MYCBP2: variants seen among roughly 807,000 people sequenced by gnomAD.
MYCBP2 encodes the protein E3 ubiquitin-protein ligase MYCBP2.
A neutral mutation model predicts 525.3 loss-of-function variants in MYCBP2; 120 were observed. That is an observed-to-expected ratio of 0.23 (90% CI 0.20 to 0.27). The LOEUF is 0.27. Among genes scored for constraint, MYCBP2 ranks in the 10% least tolerant of loss-of-function variants. MYCBP2 has a pLI of 1.00. For missense variants in MYCBP2, 4,149 were observed against 5,657.1 expected (o/e 0.73, Z 8.55); for synonymous variants, 1,894 against 1,955.8 (o/e 0.97, Z 0.83).
chr13:77,133,388 A>T (rs970245076), intron 52 of MYCBP2, among the ~76,000 whole-genome samples: 2 of 152,240 alleles, frequency 1.3e-5, no homozygotes, highest in African/African-American at 4.8e-5. Flanking sequence ...AAAATTAAGC[A>T]TCCACAAATG....
At chr13:77,277,001 A>G (rs1231820893) in intron 4 of MYCBP2, among the ~76,000 whole-genome samples, 1 of 152,030 alleles carries the variant, frequency 6.6e-6, no homozygotes, top group Non-Finnish European at 1.5e-5. Flanking sequence ...AGCACATATT[A>G]TATGCCAAAG....
Position 77,217,857 on chromosome 13 carries a change from T to A in MYCBP2, c.3040A>T (p.Thr1014Ser), listed in dbSNP as rs925618652. ...TTCCTTACAGAAAAACTTCCAAATG[T>A]GAAGACCTGTCCATCCATTAAAAGT... The part of the protein sequence containing the change: ...AVLLMDGQVF[T>S]FGSFSKGQLG... The change falls in exon 21 of 83, where the codon ACA becomes TCA. Residue 1014 changes from threonine to serine, a missense_variant. By Grantham distance (58) the Thr-to-Ser change is moderately conservative (BLOSUM62 1). Coordinates refer to ENST00000544440, the MANE Select transcript of MYCBP2 (RefSeq NM_015057.5). 6.2e-7 allele frequency: 1 copy of A among 1,605,476 alleles called. No individual in the cohort carries two copies. Among genetic ancestry groups the A allele is most frequent in the Admixed American group, 1.7e-5 (1 of 58,722 alleles).
intron 46 of MYCBP2, among the ~76,000 whole-genome samples, chr13:77,154,586 T>C (rs9600822): frequency 0.07 from 10,681 of 151,824 alleles, 583 homozygotes; most frequent in African/African-American, 0.15. Context: ...TAAAGAAATA[T>C]CAGAAGCGTA....
chr13:77,246,684 C>T (rs12017346), intron 15 of MYCBP2, among the ~76,000 whole-genome samples: 1 of 148,206 alleles, frequency 6.7e-6, no homozygotes, highest in Non-Finnish European at 1.5e-5. Flanking sequence ...AAAAAAAAAA[C>T]CCCTACAGAC....
chr13:77,318,556 C>G (rs527495723), intron 1 of MYCBP2, among the ~76,000 whole-genome samples: 1 of 152,236 alleles, frequency 6.6e-6, no homozygotes, highest in African/African-American at 2.4e-5. Flanking sequence ...GAGTTCGAGA[C>G]CAGCCTGACC....
intron 1 of MYCBP2, among the ~76,000 whole-genome samples, chr13:77,301,181 G>C (rs138653964): frequency 1.3e-5 from 2 of 152,032 alleles, no homozygotes; most frequent in Non-Finnish European, 2.9e-5. Context: ...TTGGGAAGCT[G>C]AGGCGGGCAG....
At chr13:77,322,308 G>T (rs773315317) in intron 1 of MYCBP2, among the ~76,000 whole-genome samples, 11 of 152,104 alleles carry the variant, frequency 7.2e-5, no homozygotes, top group Admixed American at 3.9e-4. Context: ...TCCCCATTTT[G>T]GTCACAATCC....
At chr13:77,054,728 G>A (rs191218551) in intron 80 of MYCBP2, among the ~76,000 whole-genome samples, 1 of 151,832 alleles carries the variant, frequency 6.6e-6, no homozygotes, top group Admixed American at 6.6e-5. Flanking sequence ...AGTCCCCCAA[G>A]TAGCTGGGAC....
At chr13:77,115,436 T>C (rs145353505) in intron 55 of MYCBP2, among the ~76,000 whole-genome samples, 1 of 152,062 alleles carries the variant, frequency 6.6e-6, no homozygotes, top group African/African-American at 2.4e-5. Flanking sequence ...CATGTCTCTG[T>C]GTGCACACAC....
At chr13:77,162,841 G>A (rs1378282227) in intron 43 of MYCBP2, among the ~76,000 whole-genome samples, 1 of 152,098 alleles carries the variant, frequency 6.6e-6, no homozygotes, top group Admixed American at 6.5e-5. Flanking sequence ...ATTTTTAGTA[G>A]AGACGGGGTT....
At chr13:77,146,059 A>G (rs2055492638) in intron 48 of MYCBP2, 103 bp downstream of exon 48, 3 of 706,774 alleles carry the variant, frequency 4.2e-6, no homozygotes, top group Non-Finnish European at 6.9e-6. Context: ...AAAATGCTAT[A>G]AAGTATTTAT....
At chr13:77,314,228 C>T (rs1203657982) in intron 1 of MYCBP2, among the ~76,000 whole-genome samples, 3 of 152,174 alleles carry the variant, frequency 2.0e-5, no homozygotes, top group African/African-American at 4.8e-5. Flanking sequence ...TTCAAAACAT[C>T]ATGCTGTACA....
At chr13:77,050,297 T>C (rs1451970829) in intron 82 of MYCBP2, among the ~76,000 whole-genome samples, 1 of 152,118 alleles carries the variant, frequency 6.6e-6, no homozygotes, top group Non-Finnish European at 1.5e-5. Flanking sequence ...GACAACACGG[T>C]ATATTGTGTT....
At chr13:77,323,385 G>A (rs1462993861) in intron 1 of MYCBP2, among the ~76,000 whole-genome samples, 1 of 152,166 alleles carries the variant, frequency 6.6e-6, no homozygotes, top group Non-Finnish European at 1.5e-5. Context: ...CACTCATCAT[G>A]TTTTTGTTTC....
At chr13:77,240,511 T>C (rs574257190) in intron 17 of MYCBP2, among the ~76,000 whole-genome samples, 14 of 152,014 alleles carry the variant, frequency 9.2e-5, no homozygotes, top group Non-Finnish European at 2.1e-4. Flanking sequence ...AAGAGGCTGA[T>C]GTAGGAGAAT....
At chr13:77,252,086 G>A (rs532066715) in intron 14 of MYCBP2, among the ~76,000 whole-genome samples, 1 of 152,174 alleles carries the variant, frequency 6.6e-6, no homozygotes, top group African/African-American at 2.4e-5. Context: ...CCTCCTCAGT[G>A]CCTGTTTATA....
chr13:77,225,683 T>A (rs1029577748), intron 18 of MYCBP2, 129 bp from the exon 19 acceptor site: 29 of 1,150,478 alleles, frequency 2.5e-5, no homozygotes, highest in Non-Finnish European at 3.5e-5. Flanking sequence ...AATCTGTAGC[T>A]GTTAGAAGTG....
intron 1 of MYCBP2, among the ~76,000 whole-genome samples, chr13:77,317,651 G>A (rs953684002): frequency 5.3e-5 from 8 of 152,072 alleles, no homozygotes; most frequent in Non-Finnish European, 1.2e-4. Context: ...TATAAAAGTG[G>A]GTCCCGGCCG....
intron 17 of MYCBP2, among the ~76,000 whole-genome samples, chr13:77,242,841 G>T (rs2069117759): frequency 6.6e-6 from 1 of 152,162 alleles, no homozygotes; most frequent in African/African-American, 2.4e-5. Flanking sequence ...TGAATTAAAA[G>T]TATGTTATTA....
Sources: allele counts gnomAD v4.1 joint callset (sites outside exome capture counted in the v4.1 genomes callset), GRCh38; gene constraint gnomAD v4.1.1; transcripts MANE v1.5; gene names NCBI Gene and HGNC (gene_info 2026-07-23, HGNC 2026-07-21).